The following ARHGEF10 variants were observed in gnomAD, a reference collection of about 807,000 sequenced individuals.
The protein encoded by ARHGEF10 is Rho guanine nucleotide exchange factor (GEF) 10.
In ARHGEF10, 140 loss-of-function variants were observed where a neutral mutation model predicts 147.4. The observed-to-expected ratio is 0.95, with a 90% CI of 0.83 to 1.09. ARHGEF10 has a LOEUF of 1.09. Among genes scored for constraint, ARHGEF10 ranks in the 50% least tolerant of loss-of-function variants. The pLI is 0.00. For missense variants in ARHGEF10, 2,222 were observed against 1,752.7 expected, an observed-to-expected ratio of 1.27 and a Z score of -4.78; for synonymous variants, 902 against 695.8, an observed-to-expected ratio of 1.30 and a Z score of -4.67.
At chr8:1,849,973 GCCGGCT>G (rs1804931267) in intron 2 of ARHGEF10, among the ~76,000 whole-genome samples, 1 of 124,356 alleles carries the variant, frequency 8.0e-6, no homozygotes, top group Non-Finnish European at 1.7e-5. Flanking sequence ...GAGGGCGTGG[GCCGGCT>G]GCATGGACAC....
chr8:1,826,945 G>A (rs547332061), intron 1 of ARHGEF10, among the ~76,000 whole-genome samples: 23 of 152,238 alleles, frequency 1.5e-4, no homozygotes, highest in Non-Finnish European at 2.2e-4. Context: ...GGCTTTCTGG[G>A]AGTGTAATTT....
intron 15 of ARHGEF10, among the ~76,000 whole-genome samples, chr8:1,899,375 T>G (rs1428180007): frequency 6.6e-6 from 1 of 152,240 alleles, no homozygotes; most frequent in Non-Finnish European, 1.5e-5. Flanking sequence ...CTTTTTCTAA[T>G]TAAATCAGAG....
chr8:1,927,977 C>G (rs1417576033), intron 23 of ARHGEF10, among the ~76,000 whole-genome samples: 1 of 152,148 alleles, frequency 6.6e-6, no homozygotes, highest in African/African-American at 2.4e-5. Context: ...CAGCATACCA[C>G]ATGTTGACTT....
chr8:1,835,180 C>T (rs538851229), intron 1 of ARHGEF10, among the ~76,000 whole-genome samples: 6 of 152,290 alleles, frequency 3.9e-5, no homozygotes, highest in Admixed American at 1.3e-4. Flanking sequence ...CCATGGAGGC[C>T]GGAGGAGTGG....
At chr8:1,877,071 A>G (rs1360251552) in intron 8 of ARHGEF10, among the ~76,000 whole-genome samples, 1 of 152,212 alleles carries the variant, frequency 6.6e-6, no homozygotes, top group African/African-American at 2.4e-5. Flanking sequence ...CGGAACACTG[A>G]ATAGATGGGA....
At chr8:1,830,269 G>A (rs1803013930) in intron 1 of ARHGEF10, among the ~76,000 whole-genome samples, 2 of 152,162 alleles carry the variant, frequency 1.3e-5, no homozygotes, top group South Asian at 4.1e-4. Context: ...GGCTCAGGCG[G>A]CTCATTTCCC....
chr8:1,873,725 C>T (rs1431494932), intron 7 of ARHGEF10, among the ~76,000 whole-genome samples: 1 of 148,564 alleles, frequency 6.7e-6, no homozygotes, highest in Non-Finnish European at 1.5e-5. Flanking sequence ...CTCGCATTTC[C>T]TAGTTGCCTT....
At chr8:1,880,301 T>C in intron 9 of ARHGEF10, 137 bp downstream of exon 9, 1 of 695,458 alleles carries the variant, frequency 1.4e-6, no homozygotes, top group Non-Finnish European at 2.6e-6. Context: ...CCCCGACGCT[T>C]TGGGGCTCAC....
intron 23 of ARHGEF10, chr8:1,926,668 G>A (rs1442694549): frequency 3.2e-6 from 2 of 632,740 alleles, no homozygotes; most frequent in Non-Finnish European, 5.7e-6. Context: ...GCAAATATTT[G>A]TTTCTTTTCC....
Position 1,898,445 on chromosome 8 carries a change from G to A in ARHGEF10, c.1570G>A (p.Ala524Thr), listed in dbSNP as rs1007076189. The A allele has an allele frequency of 1.2e-6, 2 of 1,614,016 alleles. No homozygotes were observed. The highest frequency in any genetic ancestry group is 1.7e-6 in the Non-Finnish European group (2 of 1,180,024). Residue 524 changes from alanine to threonine, a missense_variant, in exon 15 of 29, where the codon GCC becomes ACC. Coordinates refer to ENST00000349830, the MANE Select transcript of ARHGEF10 (RefSeq NM_014629.4). ...FLEFLKQEQE[A>T]SPDRTTLYSL... ...CCTTCCCCCACAGCAGGAACAGGAG[G>A]CCAGCCCCGATCGAACCACGCTCTA...
chr8:1,880,010 G>C lies in ARHGEF10; in HGVS notation c.844-38G>C, dbSNP rs370267507. ...AAATTGTCCCAAAGAACCAAAAAGA[G>C]CCTTTTTGTGAAAAGACTGTGTCTC... On this transcript the variant is annotated intron_variant, in intron 8 of 28. Transcript: ENST00000349830. 9 of 1,426,954 alleles carry C rather than the reference G, an allele frequency of 6.3e-6. No homozygotes were observed. The African/African-American group carries it at 1.3e-4, about 20-fold the overall frequency. 88.4% of individuals were successfully genotyped at this position (1,426,954 alleles called of 1,614,324 possible). A position where few individuals can be genotyped will look rare whatever the true frequency, so the allele number is the denominator to read the frequency against.
chr8:1,910,898 C>T (rs1437074143), intron 18 of ARHGEF10, among the ~76,000 whole-genome samples: 1 of 152,030 alleles, frequency 6.6e-6, no homozygotes, highest in Non-Finnish European at 1.5e-5. Flanking sequence ...GTATGTATTC[C>T]ATGCAATGTT....
At chr8:1,905,845 G>A in intron 17 of ARHGEF10, 129 bp downstream of exon 17, 3 of 1,153,932 alleles carry the variant, frequency 2.6e-6, no homozygotes, top group Non-Finnish European at 3.8e-6. Flanking sequence ...GCTCTGTCCT[G>A]TGACTAAGGG....
intron 5 of ARHGEF10, 49 bp from the exon 6 acceptor site, chr8:1,866,477 A>T: frequency 6.4e-7 from 1 of 1,569,144 alleles, no homozygotes; most frequent in Non-Finnish European, 8.8e-7. Flanking sequence ...CATCCTAGTG[A>T]CTTGGGCTGT....
chr8:1,922,004 T>C (rs1326430321), intron 18 of ARHGEF10, among the ~76,000 whole-genome samples: 3 of 152,178 alleles, frequency 2.0e-5, no homozygotes, highest in East Asian at 1.9e-4. Flanking sequence ...TACTGCATAT[T>C]GCTTAAAGTA....
intron 2 of ARHGEF10, among the ~76,000 whole-genome samples, chr8:1,846,132 G>A (rs1804545189): frequency 6.6e-6 from 1 of 152,210 alleles, no homozygotes; most frequent in African/African-American, 2.4e-5. Context: ...GGGTGTCCTC[G>A]GGAGACCCTG....
chr8:1,922,648 C>T (rs1473262182), intron 18 of ARHGEF10, among the ~76,000 whole-genome samples: 1 of 152,144 alleles, frequency 6.6e-6, no homozygotes, highest in Non-Finnish European at 1.5e-5. Flanking sequence ...GTAGGTCAGT[C>T]AGGAGTGCCG....
Position 1,956,826 on chromosome 8 carries a change from G to T in ARHGEF10, c.3598G>T (p.Asp1200Tyr). The change falls in exon 29 of 29, where the codon GAC becomes TAC. Residue 1200 changes from aspartate to tyrosine, a missense_variant. Transcript: ENST00000349830. ...CCTGGCCACGGCTCTGCACGAGAAA[G>T]ACAAGGACAAATCCAGGGACAGCCT... ...IVLATALHEKDKDKSRDSLAP... is the reference protein window; with the variant it reads ...IVLATALHEKYKDKSRDSLAP... 6.2e-7 allele frequency: 1 copy of T among 1,614,098 alleles called. No individual in the cohort carries two copies.
chr8:1,921,827 G>A (rs542538000), intron 18 of ARHGEF10, among the ~76,000 whole-genome samples: 26 of 152,204 alleles, frequency 1.7e-4, no homozygotes, highest in Non-Finnish European at 2.6e-4. Flanking sequence ...AGGTCTGTGC[G>A]ATTCTACAGA....
Sources: allele counts gnomAD v4.1 joint callset (sites outside exome capture counted in the v4.1 genomes callset), GRCh38; gene constraint gnomAD v4.1.1; transcripts MANE v1.5; gene names NCBI Gene and HGNC (gene_info 2026-07-23, HGNC 2026-07-21).